The following SRPK2 variants were observed in gnomAD, a reference collection of about 807,000 sequenced individuals.
SRPK2 encodes the protein SRSF protein kinase 2.
A neutral mutation model predicts 90.8 loss-of-function variants in SRPK2; 21 were observed. The observed-to-expected ratio is 0.23, with a 90% CI of 0.16 to 0.33. The LOEUF is 0.33. Among genes scored for constraint, SRPK2 ranks in the 10% least tolerant of loss-of-function variants. The pLI is 1.00. For missense variants in SRPK2, 620 were observed against 869.0 expected, an observed-to-expected ratio of 0.71 and a Z score of 3.60; for synonymous variants, 288 against 311.1, an observed-to-expected ratio of 0.93 and a Z score of 0.78.
At chr7:105,395,864 A>C (rs1009765670) in intron 1 of SRPK2, among the ~76,000 whole-genome samples, 25 of 152,190 alleles carry the variant, frequency 1.6e-4, no homozygotes, top group African/African-American at 6.0e-4. Flanking sequence ...ATACCAAATT[A>C]ATTATCAATT....
At chr7:105,344,778 G>A (rs1294250650) in intron 2 of SRPK2, among the ~76,000 whole-genome samples, 1 of 151,310 alleles carries the variant, frequency 6.6e-6, no homozygotes, top group Non-Finnish European at 1.5e-5. Flanking sequence ...CTGGCCTCTG[G>A]GAAATGAACA....
At chr7:105,121,163 CATGGTGAAACCCGATCTCTAATA>C (rs1383497289) in intron 15 of SRPK2, among the ~76,000 whole-genome samples, 3 of 152,058 alleles carry the variant, frequency 2.0e-5, no homozygotes, top group Non-Finnish European at 4.4e-5. Flanking sequence ...ACCTGGCCAA[CATGGTGAAACCCGATCTCTAATA>C]AATACAAAAT....
chr7:105,280,947 C>CAAAAAAAAAAAAAAAAAAAA (rs1158350206), intron 2 of SRPK2, among the ~76,000 whole-genome samples: 1 of 43,326 alleles, frequency 2.3e-5, no homozygotes, highest in Non-Finnish European at 3.6e-5. Context: ...GACTCCATCT[C>CAAAAAAAAAAAAAAAAAAAA]AAAAAAAAAA....
At chr7:105,173,609 T>G (rs544161295) in intron 3 of SRPK2, among the ~76,000 whole-genome samples, 1 of 152,200 alleles carries the variant, frequency 6.6e-6, no homozygotes, top group South Asian at 2.1e-4. Context: ...TAGTTAACTA[T>G]GTGCACCATA....
At chr7:105,324,982 A>G (rs965834438) in intron 2 of SRPK2, among the ~76,000 whole-genome samples, 4 of 152,240 alleles carry the variant, frequency 2.6e-5, no homozygotes, top group African/African-American at 9.6e-5. Flanking sequence ...TGCAGAAGGT[A>G]TATTAGAAGT....
At chr7:105,350,750 G>A (rs537549379) in intron 2 of SRPK2, among the ~76,000 whole-genome samples, 1 of 149,716 alleles carries the variant, frequency 6.7e-6, no homozygotes, top group Non-Finnish European at 1.5e-5. Flanking sequence ...TCCAACTCCT[G>A]ACCTCCCCAC....
chr7:105,279,492 C>G (rs1806978707), intron 2 of SRPK2, among the ~76,000 whole-genome samples: 1 of 152,086 alleles, frequency 6.6e-6, no homozygotes, highest in South Asian at 2.1e-4. Flanking sequence ...CCCTATTCCC[C>G]CTACCCCCAG....
intron 7 of SRPK2, among the ~76,000 whole-genome samples, chr7:105,151,562 G>T (rs1416174445): frequency 2.0e-5 from 3 of 152,182 alleles, no homozygotes. Flanking sequence ...TTAGAGATGG[G>T]ATCCCGCTAT....
intron 2 of SRPK2, chr7:105,301,429 G>T: frequency 1.4e-6 from 1 of 711,038 alleles, no homozygotes; most frequent in Non-Finnish European, 2.5e-6. Context: ...AGGCGCCAAA[G>T]GGGGTCGCCG....
chr7:105,133,070 G>A lies in SRPK2; in HGVS notation c.1578C>T (p.Pro526=), dbSNP rs961609161. The A allele has an allele frequency of 5.0e-6, 8 of 1,613,992 alleles. No individual in the cohort carries two copies. In the African/African-American group the frequency reaches 8.0e-5, roughly 16 times the overall value. Residue 526 remains proline, a synonymous_variant, in exon 12 of 16, where the codon CCC becomes CCT. Coordinates refer to ENST00000393651, the MANE Select transcript of SRPK2 (RefSeq NM_182692.3). ...TTTTATCTGCATTCCGCGGATCCAG[G>A]GGATTCACCAACAAGTCAGCTGCCC... ...KTRAADLLVN[P]LDPRNADKIR...
chr7:105,208,278 A>T (rs1453490911), intron 2 of SRPK2, among the ~76,000 whole-genome samples: 5 of 152,188 alleles, frequency 3.3e-5, no homozygotes, highest in African/African-American at 1.2e-4. Flanking sequence ...TAACCCAACA[A>T]TTCCACTCCC....
At chr7:105,272,524 T>G (rs1805957333) in intron 2 of SRPK2, among the ~76,000 whole-genome samples, 1 of 152,178 alleles carries the variant, frequency 6.6e-6, no homozygotes, top group South Asian at 2.1e-4. Context: ...TTTTAATGCT[T>G]TTACATTTGC....
At chr7:105,149,474 G>C (rs1046597316) in intron 7 of SRPK2, among the ~76,000 whole-genome samples, 1 of 151,330 alleles carries the variant, frequency 6.6e-6, no homozygotes, top group East Asian at 1.9e-4. Flanking sequence ...AAATAATGAA[G>C]ATAATAATCA....
intron 7 of SRPK2, among the ~76,000 whole-genome samples, chr7:105,152,783 C>T (rs960779269): frequency 3.9e-5 from 6 of 152,146 alleles, no homozygotes; most frequent in Non-Finnish European, 7.4e-5. Context: ...CGCCTGTAAT[C>T]CCAGCACTTT....
At chr7:105,389,017 G>A, upstream of SRPK2, 1 of 976,926 alleles carries the variant, frequency 1.0e-6, no homozygotes. Flanking sequence ...CGGCCCCGGG[G>A]GTCGGGACCC....
chr7:105,277,419 C>T (rs1485571643), intron 2 of SRPK2, among the ~76,000 whole-genome samples: 1 of 152,168 alleles, frequency 6.6e-6, no homozygotes, highest in Non-Finnish European at 1.5e-5. Context: ...ATGCAAAAGG[C>T]CCGCAAAGGC....
At chr7:105,174,091 A>AC (rs1282503018) in intron 3 of SRPK2, among the ~76,000 whole-genome samples, 1 of 151,686 alleles carries the variant, frequency 6.6e-6, no homozygotes, top group Non-Finnish European at 1.5e-5. Flanking sequence ...ATAAAAAAAA[A>AC]AAAAAACTCT....
At chr7:105,182,788 T>A (rs1175228748) in intron 3 of SRPK2, among the ~76,000 whole-genome samples, 5 of 152,234 alleles carry the variant, frequency 3.3e-5, no homozygotes, top group African/African-American at 1.2e-4. Context: ...TTGTTACTTG[T>A]AAGGAAAAAA....
chr7:105,366,367 C>CTTT (rs34409221), intron 2 of SRPK2, among the ~76,000 whole-genome samples: 25,546 of 139,042 alleles, frequency 0.18, 3,175 homozygotes, highest in East Asian at 0.52. Context: ...ACAGGTATGC[C>CTTT]TTTTTTTTTT....
Sources: allele counts gnomAD v4.1 joint callset (sites outside exome capture counted in the v4.1 genomes callset), GRCh38; gene constraint gnomAD v4.1.1; transcripts MANE v1.5; gene names NCBI Gene and HGNC (gene_info 2026-07-23, HGNC 2026-07-21).